The following TMEM87A variants were observed in gnomAD, a reference collection of about 807,000 sequenced individuals.
TMEM87A encodes transmembrane protein 87A, also known as Golgi-pH regulating cation channel.
A neutral mutation model predicts 90.0 loss-of-function variants in TMEM87A; 50 were observed. The ratio of observed to expected loss-of-function variants is 0.56; its 90% confidence interval spans 0.44 to 0.70. The LOEUF (loss-of-function observed/expected upper bound fraction) is 0.70, where lower values mean the gene tolerates loss of function less well. Ranked by LOEUF, TMEM87A falls within the 30% of genes least tolerant of loss-of-function variation. The pLI, the probability that TMEM87A is intolerant of heterozygous loss-of-function variation, is 0.00. For missense variants in TMEM87A, 577 were observed against 660.5 expected (o/e 0.87, Z 1.39); for synonymous variants, 226 against 226.7 (o/e 1.00, Z 0.03).
rs774740618 is a variant in TMEM87A, at chr15:42,237,583, C to A, written c.717G>T (p.Leu239=). Residue 239 remains leucine, a synonymous_variant, in exon 9 of 20, where the codon CTG becomes CTT. Transcript: ENST00000389834. ...ACCATGCCAGCCACAGAACACCAAA[C>A]AGGACATATACAATACACATCACCA... is the stretch of plus-strand genomic sequence containing the variant. ...FFMVMCIVYV[L]FGVLWLAWSA... The A allele has an allele frequency of 2.2e-5, 36 of 1,613,778 alleles. No individual in the cohort carries two copies. Among genetic ancestry groups the A allele is most frequent in the Non-Finnish European group, 5.1e-6 (6 of 1,179,990 alleles).
At chr15:42,227,893 T>C (rs2050624953) in intron 13 of TMEM87A, 124 bp from the exon 14 acceptor site, 1 of 755,638 alleles carries the variant, frequency 1.3e-6, no homozygotes, top group Non-Finnish European at 2.3e-6. Context: ...CACAACTCTA[T>C]CAGTTATTTT....
intron 10 of TMEM87A, 32 bp from the exon 11 acceptor site, chr15:42,233,338 A>C (rs1221046150): frequency 6.4e-7 from 1 of 1,551,630 alleles, no homozygotes. Context: ...ATTTGAGTAC[A>C]TATGGGACAA....
intron 15 of TMEM87A, 44 bp downstream of exon 15, chr15:42,226,762 A>G: frequency 6.5e-7 from 1 of 1,542,456 alleles, no homozygotes; most frequent in Non-Finnish European, 9.0e-7. Context: ...AATTGATGAC[A>G]TGGTCATCTC....
At chr15:42,249,857 T>C (rs1255351848) in intron 6 of TMEM87A, among the ~76,000 whole-genome samples, 2 of 152,152 alleles carry the variant, frequency 1.3e-5, no homozygotes, top group Admixed American at 6.5e-5. Flanking sequence ...TGATCTAATA[T>C]TGACAGTGGG....
At chr15:42,269,860 T>C (rs8025668) in intron 2 of TMEM87A, among the ~76,000 whole-genome samples, 123,935 of 131,878 alleles carry the variant, frequency 0.94, 58,663 homozygotes, top group Non-Finnish European at 1. Context: ...GGCGTGAACC[T>C]GGGAAGCGGA....
intron 7 of TMEM87A, among the ~76,000 whole-genome samples, chr15:42,241,208 C>T (rs773359488): frequency 1.3e-5 from 2 of 152,202 alleles, no homozygotes; most frequent in Non-Finnish European, 2.9e-5. Flanking sequence ...GAAAACACAG[C>T]AGACAGAAAC....
At chr15:42,257,803 T>C in intron 6 of TMEM87A, 2 of 541,702 alleles carry the variant, frequency 3.7e-6, no homozygotes, top group Non-Finnish European at 4.7e-6. Context: ...TAAGCAGCCA[T>C]AAAAAGGTGA....
At chr15:42,218,470 A>G in intron 17 of TMEM87A, 92 bp from the exon 18 acceptor site, 3 of 1,223,118 alleles carry the variant, frequency 2.5e-6, no homozygotes, top group Non-Finnish European at 3.5e-6. Context: ...GTCTTTCATA[A>G]TTCTGTAGTC....
chr15:42,252,202 C>G (rs1055077194), intron 6 of TMEM87A, among the ~76,000 whole-genome samples: 5 of 152,232 alleles, frequency 3.3e-5, no homozygotes, highest in Admixed American at 2.0e-4. Context: ...CTTGCGCTTC[C>G]TGGGTGAGGT....
At chr15:42,272,151 C>T in intron 1 of TMEM87A, 28 bp from the exon 2 acceptor site, 3 of 1,536,516 alleles carry the variant, frequency 2.0e-6, no homozygotes, top group Non-Finnish European at 2.7e-6. Flanking sequence ...AGATAATTAG[C>T]CTCAGATGGC....
chr15:42,226,659 C>G, intron 15 of TMEM87A, 147 bp downstream of exon 15: 1 of 690,428 alleles, frequency 1.4e-6, no homozygotes. Context: ...AAGAGGAGAG[C>G]TGAGATAGGA....
intron 6 of TMEM87A, among the ~76,000 whole-genome samples, chr15:42,260,433 A>C (rs1450175760): frequency 1.3e-5 from 2 of 152,244 alleles, no homozygotes; most frequent in East Asian, 3.9e-4. Flanking sequence ...AAGTTGTTAT[A>C]AAATTAAAAA....
At chr15:42,255,640 T>C (rs990214287) in intron 6 of TMEM87A, among the ~76,000 whole-genome samples, 1 of 152,204 alleles carries the variant, frequency 6.6e-6, no homozygotes, top group African/African-American at 2.4e-5. Flanking sequence ...TTTTAAATTA[T>C]GTTAAATGTA....
At chr15:42,211,995 TAG>T (rs1164641147) in intron 19 of TMEM87A, among the ~76,000 whole-genome samples, 2 of 149,108 alleles carry the variant, frequency 1.3e-5, no homozygotes, top group Non-Finnish European at 2.9e-5. Context: ...AGGAAATGTA[TAG>T]AGTCAGCTAA....
At chr15:42,252,186 C>T (rs1046621978) in intron 6 of TMEM87A, among the ~76,000 whole-genome samples, 15 of 152,196 alleles carry the variant, frequency 9.9e-5, no homozygotes, top group South Asian at 2.1e-4. Context: ...GGAAATCCCC[C>T]GACCCCTTGC....
intron 12 of TMEM87A, 67 bp downstream of exon 12, chr15:42,231,125 G>C: frequency 2.9e-6 from 4 of 1,379,522 alleles, no homozygotes; most frequent in Non-Finnish European, 3.9e-6. Flanking sequence ...TTTGCAGAAA[G>C]ATCAATGGAA....
chr15:42,269,797 G>A (rs8024703), intron 2 of TMEM87A, among the ~76,000 whole-genome samples: 103,179 of 144,358 alleles, frequency 0.71, 39,664 homozygotes, highest in Non-Finnish European at 0.86. Flanking sequence ...TTAGCCGGGC[G>A]CGGTGGCGGG....
chr15:42,237,016 T>A (rs991549206), intron 9 of TMEM87A, among the ~76,000 whole-genome samples: 2 of 152,224 alleles, frequency 1.3e-5, no homozygotes, highest in Non-Finnish European at 2.9e-5. Context: ...TTTCTTGATA[T>A]GACTATATTT....
At chr15:42,262,440 T>C (rs2051313499) in intron 4 of TMEM87A, among the ~76,000 whole-genome samples, 1 of 298 alleles carries the variant, frequency 3.4e-3, no homozygotes, top group African/African-American at 5.4e-3. Context: ...AATTATCCCT[T>C]TTTTTTTTTT....
Sources: allele counts gnomAD v4.1 joint callset (sites outside exome capture counted in the v4.1 genomes callset), GRCh38; gene constraint gnomAD v4.1.1; transcripts MANE v1.5; gene names NCBI Gene and HGNC (gene_info 2026-07-23, HGNC 2026-07-21).